The following FGGY variants were observed in gnomAD, a reference collection of about 807,000 sequenced individuals.
FGGY encodes FGGY carbohydrate kinase domain-containing protein.
FGGY carries 72 observed loss-of-function variants against 71.3 expected under a neutral mutation model. That is an observed-to-expected ratio of 1.01 (90% CI 0.84 to 1.23). The LOEUF is 1.23. Ranked by LOEUF, FGGY falls within the 50% of genes most tolerant of loss-of-function variation. The probability of loss-of-function intolerance (pLI) is 0.00; values close to 1 mark genes in which losing one functional copy is unlikely to be tolerated. For missense variants in FGGY, 668 were observed against 682.3 expected (o/e 0.98, Z 0.23); for synonymous variants, 251 against 250.3 (o/e 1.00, Z -0.02).
chr1:59,481,808 C>A (rs191367343), intron 6 of FGGY, among the ~76,000 whole-genome samples: 3 of 152,126 alleles, frequency 2.0e-5, no homozygotes, highest in Admixed American at 1.3e-4. Flanking sequence ...AAGACAGAGA[C>A]TTTCTAAGGG....
chr1:59,565,378 G>C (rs753298829), intron 8 of FGGY, among the ~76,000 whole-genome samples: 1 of 152,010 alleles, frequency 6.6e-6, no homozygotes, highest in Non-Finnish European at 1.5e-5. Flanking sequence ...TCTGCCTCCC[G>C]GGTTCACGCC....
At chr1:59,721,519 G>A (rs146601201) in intron 14 of FGGY, among the ~76,000 whole-genome samples, 4,556 of 151,540 alleles carry the variant, frequency 0.03, 91 homozygotes, top group East Asian at 0.087. Context: ...TGTATTTTTC[G>A]TAGAGACAGG....
intron 7 of FGGY, among the ~76,000 whole-genome samples, chr1:59,513,827 C>T (rs890247627): frequency 3.3e-5 from 5 of 152,150 alleles, no homozygotes; most frequent in African/African-American, 1.2e-4. Context: ...TTTTCTTATG[C>T]AACGGATTAT....
intron 14 of FGGY, among the ~76,000 whole-genome samples, chr1:59,683,040 T>C (rs2097516550): frequency 2.0e-5 from 3 of 152,220 alleles, no homozygotes; most frequent in African/African-American, 7.2e-5. Flanking sequence ...GATTCCTTGC[T>C]CTGTAGGTAA....
chr1:59,608,056 T>G (rs2096640696), intron 9 of FGGY, 146 bp downstream of exon 9: 11 of 614,238 alleles, frequency 1.8e-5, no homozygotes, highest in Middle Eastern at 3.2e-4. Context: ...CAGCCTAACA[T>G]GTCATACACA....
intron 14 of FGGY, chr1:59,699,239 A>C (rs1017481525): frequency 6.9e-5 from 68 of 985,172 alleles, no homozygotes; most frequent in Non-Finnish European, 7.7e-5. Context: ...CTAAAAAATG[A>C]TATTTTTCTT....
intron 1 of FGGY, among the ~76,000 whole-genome samples, chr1:59,310,632 A>G (rs2044146954): frequency 1.3e-5 from 2 of 152,220 alleles, no homozygotes; most frequent in South Asian, 4.1e-4. Flanking sequence ...GTCTGCATTT[A>G]GAGAACTCAG....
At chr1:59,456,280 TTAACA>T (rs950034277) in intron 5 of FGGY, among the ~76,000 whole-genome samples, 12 of 152,204 alleles carry the variant, frequency 7.9e-5, no homozygotes, top group African/African-American at 2.9e-4. Context: ...GAGCCTTTTG[TTAACA>T]TAACCACAAC....
intron 5 of FGGY, among the ~76,000 whole-genome samples, chr1:59,386,134 A>C (rs1466180259): frequency 4.6e-5 from 7 of 152,182 alleles, no homozygotes; most frequent in African/African-American, 1.4e-4. Flanking sequence ...GTCATAATTA[A>C]TGGACTGATA....
intron 8 of FGGY, among the ~76,000 whole-genome samples, chr1:59,584,064 C>T (rs1028000405): frequency 6.7e-6 from 1 of 149,686 alleles, no homozygotes; most frequent in African/African-American, 2.5e-5. Context: ...GATGGATTCA[C>T]AGCCGAATTC....
intron 12 of FGGY, among the ~76,000 whole-genome samples, chr1:59,663,004 C>T (rs1365213263): frequency 6.6e-6 from 1 of 150,908 alleles, no homozygotes; most frequent in Non-Finnish European, 1.5e-5. Context: ...TGATATTCCC[C>T]CTTTTGAGCA....
chr1:59,702,442 G>A (rs889907116), intron 14 of FGGY, among the ~76,000 whole-genome samples: 2 of 152,136 alleles, frequency 1.3e-5, no homozygotes, highest in Non-Finnish European at 1.5e-5. Flanking sequence ...TCATCTTATT[G>A]TAGGGATGGC....
At chr1:59,728,604 G>A (rs1264614236) in intron 14 of FGGY, among the ~76,000 whole-genome samples, 1 of 147,602 alleles carries the variant, frequency 6.8e-6, no homozygotes, top group African/African-American at 2.5e-5. Context: ...ATTTTTATTT[G>A]AGAATATCTT....
At chr1:59,693,449 G>T (rs1360035944) in intron 14 of FGGY, among the ~76,000 whole-genome samples, 1 of 152,222 alleles carries the variant, frequency 6.6e-6, no homozygotes, top group East Asian at 1.9e-4. Flanking sequence ...TGATGATTAA[G>T]TAAGTTAATA....
chr1:59,414,171 A>T lies in FGGY; in HGVS notation c.554+35334A>T, dbSNP rs146906014. Among the ~76,000 whole-genome samples the T allele has an allele frequency of 1.9e-4, 29 of 152,340 alleles. No individual in the cohort carries two copies. The East Asian group carries it at 5.6e-3, about 29-fold the overall frequency. On this transcript the variant is annotated intron_variant, in intron 5 of 15. Transcript: ENST00000303721. Reference sequence around the variant, plus strand: ...CAGCCTTTACCTTCCTTGTGCCATAATTAATTTGCTCTATTCTGTTTGTTC... The same window carrying T: ...CAGCCTTTACCTTCCTTGTGCCATATTTAATTTGCTCTATTCTGTTTGTTC...
chr1:59,312,670 T>A (rs1260338606), intron 1 of FGGY, among the ~76,000 whole-genome samples: 1 of 152,212 alleles, frequency 6.6e-6, no homozygotes, highest in Non-Finnish European at 1.5e-5. Flanking sequence ...GATTTTTTCA[T>A]CCATGATATC....
At chr1:59,635,721 A>T (rs1250069808) in intron 10 of FGGY, among the ~76,000 whole-genome samples, 1 of 152,202 alleles carries the variant, frequency 6.6e-6, no homozygotes, top group African/African-American at 2.4e-5. Context: ...GAGATGGAAA[A>T]CCAGGAGGTT....
intron 3 of FGGY, 132 bp from the exon 4 acceptor site, chr1:59,346,115 A>C: frequency 8.3e-7 from 1 of 1,209,212 alleles, no homozygotes; most frequent in Non-Finnish European, 1.1e-6. Flanking sequence ...GTGTCCTTTC[A>C]TTTTGCACAC....
rs556251724 is a variant in FGGY at position 59,607,548 on chromosome 1, A to T, written c.904-255A>T. ...CACCTTTGCAATCTCTGCCATAGTG[A>T]GGGAGCCAACAGGGAAACACCTTAT... is the stretch of plus-strand genomic sequence containing the variant. On this transcript the variant is annotated intron_variant, in intron 8 of 15. Transcript: ENST00000303721. Among the ~76,000 whole-genome samples, 12 of 152,312 alleles carry T rather than the reference A, an allele frequency of 7.9e-5. No individual in the cohort carries two copies. In the East Asian group the frequency reaches 2.3e-3, roughly 29 times the overall value.
Sources: allele counts gnomAD v4.1 joint callset (sites outside exome capture counted in the v4.1 genomes callset), GRCh38; gene constraint gnomAD v4.1.1; transcripts MANE v1.5; gene names NCBI Gene and HGNC (gene_info 2026-07-23, HGNC 2026-07-21).